The following HGS variants were observed in gnomAD, a reference collection of about 807,000 sequenced individuals.
HGS encodes human growth factor-regulated tyrosine kinase substrate.
Under a neutral mutation model 109.7 loss-of-function variants are expected in HGS, and 63 were observed. That is an observed-to-expected ratio of 0.57 (90% confidence interval 0.47 to 0.71). The LOEUF (loss-of-function observed/expected upper bound fraction) is 0.71. Among genes scored for constraint, HGS ranks in the 30% least tolerant of loss-of-function variants. The probability of loss-of-function intolerance (pLI) is 0.00; values close to 1 mark genes in which losing one functional copy is unlikely to be tolerated. For missense variants in HGS, 995 were observed against 1,068.3 expected, an observed-to-expected ratio of 0.93 and a Z score of 0.96; for synonymous variants, 546 against 437.3, an observed-to-expected ratio of 1.25 and a Z score of -3.10.
intron 3 of HGS, among the ~76,000 whole-genome samples, chr17:81,686,635 C>T (rs929539412): frequency 6.6e-6 from 1 of 152,250 alleles, no homozygotes; most frequent in Non-Finnish European, 1.5e-5. Flanking sequence ...TGAGTAAACA[C>T]CAGAAGGCGG....
In HGS at chr17:81,686,398, C is replaced by G. The variant is rs757357901; in HGVS notation, c.198+11C>G. 2.5e-6 allele frequency: 4 copies of G among 1,610,952 alleles called. No individual in the cohort carries two copies. The highest frequency in any genetic ancestry group is 3.4e-6 in the Non-Finnish European group (4 of 1,177,716). On this transcript the variant is annotated intron_variant, in intron 3 of 21. Coordinates refer to ENST00000329138, the MANE Select transcript of HGS (RefSeq NM_004712.5). ...TTGTATGCCCTGGAGGTAAGCAGAC[C>G]CCCGTGCCTCAGTGGCCCCCAGGGT...
Position 81,691,728 on chromosome 17 carries a change from C to A in HGS, c.662+157C>A. On this transcript the variant is annotated intron_variant, in intron 8 of 21. Transcript: ENST00000329138. This position sits in a 1 kb window ranked among gnomAD's most constrained non-coding sequence, Gnocchi z 5.3. ...AAGGGAAACCCAGGGTGGCCGCATG[C>A]CCTCGGACCCTGCCCCACACTAGGG... is the stretch of plus-strand genomic sequence containing the variant. 1.1e-6 allele frequency: 1 copy of A among 873,314 alleles called. No individual in the cohort carries two copies. Among genetic ancestry groups the A allele is most frequent in the Non-Finnish European group, 1.7e-6 (1 of 571,990 alleles). 54.1% of individuals were successfully genotyped at this position (873,314 alleles called of 1,614,324 possible). A position where few individuals can be genotyped will look rare whatever the true frequency, so the allele number is the denominator to read the frequency against.
At chr17:81,687,677 C>T (rs932357142) in intron 4 of HGS, among the ~76,000 whole-genome samples, 22 of 152,204 alleles carry the variant, frequency 1.4e-4, no homozygotes, top group African/African-American at 4.8e-4. Context: ...CTGGGGACAC[C>T]TGCAGGGACT....
At chr17:81,700,381 A>G in intron 18 of HGS, 86 bp from the exon 19 acceptor site, 1 of 1,411,850 alleles carries the variant, frequency 7.1e-7, no homozygotes, top group East Asian at 2.4e-5. Context: ...AAAAAAAAAA[A>G]AAAAGTAAAA....
At chr17:81,696,063 G>A in intron 15 of HGS, 64 bp downstream of exon 15, 1 of 1,384,648 alleles carries the variant, frequency 7.2e-7, no homozygotes. Flanking sequence ...GCCATCCTGG[G>A]CCAGGGCCTC....
At chr17:81,697,204 C>CA in intron 18 of HGS, 1 of 573,944 alleles carries the variant, frequency 1.7e-6, no homozygotes, top group Middle Eastern at 4.6e-4. Context: ...GTGGCAGGTA[C>CA]TGCCCTCTCC....
At position 81,696,437 on chromosome 17, in the gene HGS, C is replaced by T. The variant is rs755472642; in HGVS notation, c.1474C>T (p.Arg492Trp). 1.0e-5 allele frequency: 16 copies of T among 1,561,948 alleles called. No individual in the cohort carries two copies. The highest frequency in any genetic ancestry group is 4.6e-5 in the East Asian group (2 of 43,716). The part of the protein sequence containing the change: ...GALSALREEH[R>W]EKLRRAAEEA... ...GCTGAGTGCCCTGCGCGAAGAGCACCGGGAGAAGCTTCGCCGGGCAGCCGA... is the reference window on the plus strand; with the variant it reads ...GCTGAGTGCCCTGCGCGAAGAGCACTGGGAGAAGCTTCGCCGGGCAGCCGA... The change falls in exon 16 of 22, where the codon CGG becomes TGG. Residue 492 changes from arginine to tryptophan, a missense_variant. Coordinates refer to ENST00000329138, the MANE Select transcript of HGS (RefSeq NM_004712.5).
chr17:81,688,572 C>CG (rs1250249218), intron 4 of HGS, 132 bp from the exon 5 acceptor site: 20 of 1,139,304 alleles, frequency 1.8e-5, no homozygotes, highest in African/African-American at 3.1e-5. Context: ...ACGCCCCACT[C>CG]GGGGGGCCCT....
chr17:81,696,709 C>T lies in HGS; in HGVS notation c.1669C>T (p.Arg557Cys), dbSNP rs1203901780. ...GCAGCAGAAGCAGACGGTCCAGATG[C>T]GCGCGCAGATGCCCGCCTTCCCCCT... ...LEQQKQTVQM[R>C]AQMPAFPLPY... The change falls in exon 17 of 22, where the codon CGC becomes TGC. Residue 557 changes from arginine (R) to cysteine (C), a missense_variant. Arg to Cys is a radical substitution (Grantham distance 180, BLOSUM62 -3). Around this residue, in one of 6 missense-constraint regions of HGS, gnomAD observed 163 missense variants for 217.8 expected, o/e 0.75. Transcript: ENST00000329138. 3 of 1,608,964 alleles carry T rather than the reference C, an allele frequency of 1.9e-6. No individual in the cohort carries two copies. Among genetic ancestry groups the T allele is most frequent in the South Asian group, 1.1e-5 (1 of 90,942 alleles).
rs1415337524 is a variant in HGS at position 81,684,036 on chromosome 17, C to T, written c.-31C>T. 2 of 1,582,710 alleles carry T rather than the reference C, an allele frequency of 1.3e-6. No individual in the cohort carries two copies. Among genetic ancestry groups the T allele is most frequent in the African/African-American group, 1.3e-5 (1 of 74,460 alleles). On this transcript the variant is annotated 5_prime_UTR_variant, in exon 1 of 22. Coordinates refer to ENST00000329138, the MANE Select transcript of HGS (RefSeq NM_004712.5). ...GCGCCAGCTCGTAGCAGGGGAGCGC[C>T]CGCGGCGTCGGGTTTGGGCTGGAGG...
chr17:81,690,382 C>T (rs909701471), intron 6 of HGS, 148 bp downstream of exon 6: 3 of 835,936 alleles, frequency 3.6e-6, no homozygotes, highest in African/African-American at 3.4e-5. Flanking sequence ...TGGGCGGAGG[C>T]GTAGCAGCTG....
chr17:81,695,367 G>C (rs185858172), intron 14 of HGS, 144 bp downstream of exon 14: 2 of 846,584 alleles, frequency 2.4e-6, no homozygotes, highest in East Asian at 2.6e-5. Context: ...GGCCTGCCCT[G>C]CCCTGCCCTT....
Position 81,695,890 on chromosome 17 carries a change from G to A in HGS, c.1284G>A (p.Met428Ile). 1 of 1,612,840 alleles carries A rather than the reference G, an allele frequency of 6.2e-7. No individual in the cohort carries two copies. The highest frequency in any genetic ancestry group is 1.7e-4 in the Middle Eastern group (1 of 6,058). Reference sequence around the variant, plus strand: ...TGAACCGCATGAAGAGTAACCACATGCGGGGCCGCAGCATCACCAATGACT... The same window carrying A: ...TGAACCGCATGAAGAGTAACCACATACGGGGCCGCAGCATCACCAATGACT... ...TFVNRMKSNHMRGRSITNDSA... is the reference protein window; with the variant it reads ...TFVNRMKSNHIRGRSITNDSA... Residue 428 changes from methionine (M) to isoleucine (I), a missense_variant, in exon 15 of 22, where the codon ATG (methionine) becomes ATA (isoleucine). Physicochemically the swap from Met to Ile is conservative, Grantham distance 10 (BLOSUM62 1). Coordinates refer to ENST00000329138, the MANE Select transcript of HGS (RefSeq NM_004712.5).
Position 81,691,673 on chromosome 17 carries a change from G to A in HGS, c.662+102G>A, listed in dbSNP as rs2144492787. On this transcript the variant is annotated intron_variant, in intron 8 of 21. Transcript: ENST00000329138. This position sits in a 1 kb window ranked among gnomAD's most constrained non-coding sequence, Gnocchi z 5.3. Reference sequence around the variant, plus strand: ...GTGCCTGAGGCCTGCAGACCCCAGAGGACCCTCACAGCACAGCAGCTGGAA... The same window carrying A: ...GTGCCTGAGGCCTGCAGACCCCAGAAGACCCTCACAGCACAGCAGCTGGAA... The A allele has an allele frequency of 6.8e-7, 1 of 1,462,324 alleles. No individual in the cohort carries two copies. The highest frequency in any genetic ancestry group is 1.7e-5 in the Admixed American group (1 of 58,330). 90.6% of individuals were successfully genotyped at this position (1,462,324 alleles called of 1,614,324 possible). A position where few individuals can be genotyped will look rare whatever the true frequency, so the allele number is the denominator to read the frequency against.
At chr17:81,697,185 A>G in intron 18 of HGS, 187 bp downstream of exon 18, 1 of 663,200 alleles carries the variant, frequency 1.5e-6, no homozygotes, top group Non-Finnish European at 2.5e-6. Context: ...GCCGTGTTTC[A>G]GTCCGTGCGT....
At chr17:81,700,402 G>A (rs529111702) in intron 18 of HGS, 65 bp from the exon 19 acceptor site, 7 of 1,416,738 alleles carry the variant, frequency 4.9e-6, no homozygotes, top group Admixed American at 2.5e-5. Context: ...CTCAAGAGTA[G>A]GGTGTCCCTT....
At chr17:81,689,104 G>A (rs555289094) in intron 5 of HGS, among the ~76,000 whole-genome samples, 1 of 152,340 alleles carries the variant, frequency 6.6e-6, no homozygotes, top group East Asian at 1.9e-4. Context: ...AGAGTGGCAG[G>A]ACTCCTGGGG....
At chr17:81,694,696 G>T in intron 11 of HGS, 119 bp from the exon 12 acceptor site, 1 of 1,214,992 alleles carries the variant, frequency 8.2e-7, no homozygotes. Flanking sequence ...GGAGGGCACG[G>T]AGGGAGGGCC....
chr17:81,694,992 A>G lies in HGS; in HGVS notation c.1044A>G (p.Pro348=). The part of the protein sequence containing the change: ...KQEEARKSPT[P]SAPVPLTEPA... ...AGGAGGCTCGCAAGAGCCCCACGCC[A>G]TCTGCGCCCGTGCCCCTGACGGAGC... The change falls in exon 13 of 22, where the codon CCA becomes CCG. Residue 348 remains proline (P), a synonymous_variant. Transcript: ENST00000329138. The G allele has an allele frequency of 1.2e-6, 2 of 1,614,088 alleles. No homozygotes were observed. The highest frequency in any genetic ancestry group is 1.3e-5 in the African/African-American group (1 of 75,064).
Sources: allele counts gnomAD v4.1 joint callset (sites outside exome capture counted in the v4.1 genomes callset), GRCh38; gene constraint gnomAD v4.1.1; regional missense constraint gnomAD v4.1.1; non-coding constraint Gnocchi (gnomAD v3.1); transcripts MANE v1.5; gene names NCBI Gene and HGNC (gene_info 2026-07-23, HGNC 2026-07-21).